MIPEP: variants seen among roughly 807,000 people sequenced by gnomAD.
MIPEP encodes the protein mitochondrial intermediate peptidase.
A neutral mutation model predicts 90.3 loss-of-function variants in MIPEP; 79 were observed. The observed-to-expected ratio is 0.87, with a 90% CI of 0.73 to 1.05. MIPEP has a LOEUF of 1.05. Among genes scored for constraint, MIPEP ranks in the 50% least tolerant of loss-of-function variants. MIPEP has a pLI of 0.00. For missense variants in MIPEP, 940 were observed against 905.6 expected, an observed-to-expected ratio of 1.04 and a Z score of -0.49; for synonymous variants, 334 against 315.8, an observed-to-expected ratio of 1.06 and a Z score of -0.61.
Position 23,867,308 on chromosome 13 carries a change from C to G in MIPEP, c.943+1984G>C, listed in dbSNP as rs572871072. ...AAACGTGGCAGGCATTTTTCTGCCT[C>G]AAGACCTTAGCACTTGATAGTGACT... On this transcript the variant is annotated intron_variant, in intron 7 of 18. Coordinates refer to ENST00000382172, the MANE Select transcript of MIPEP (RefSeq NM_005932.4). Among the ~76,000 whole-genome samples, 459 of 152,272 alleles carry G rather than the reference C, an allele frequency of 3.0e-3. 4 individuals are homozygous for G. Among genetic ancestry groups the G allele is most frequent in the African/African-American group, 0.011 (445 of 41,558 alleles).
At chr13:23,806,716 A>ACATCTATC (rs1953112358) in intron 15 of MIPEP, among the ~76,000 whole-genome samples, 2 of 147,154 alleles carry the variant, frequency 1.4e-5, no homozygotes, top group Non-Finnish European at 3.0e-5. Context: ...AAAAAAATCT[A>ACATCTATC]TATCTATCTA....
chr13:23,814,866 C>A (rs374045197), intron 14 of MIPEP, among the ~76,000 whole-genome samples: 28 of 152,182 alleles, frequency 1.8e-4, no homozygotes, highest in African/African-American at 6.8e-4. Context: ...CCTATGATTG[C>A]GCTTCACTGT....
intron 18 of MIPEP, among the ~76,000 whole-genome samples, chr13:23,751,452 T>C (rs1249530789): frequency 1.3e-5 from 2 of 152,256 alleles, no homozygotes; most frequent in Non-Finnish European, 2.9e-5. Context: ...TAGCTACTAC[T>C]ATTTCTTTCC....
intron 4 of MIPEP, among the ~76,000 whole-genome samples, chr13:23,876,975 T>A (rs1566026471): frequency 6.6e-6 from 1 of 152,216 alleles, no homozygotes. Context: ...TACCAAATAG[T>A]CTTACTGTTT....
intron 17 of MIPEP, among the ~76,000 whole-genome samples, chr13:23,757,814 T>C (rs990128306): frequency 6.6e-6 from 1 of 152,206 alleles, no homozygotes; most frequent in Non-Finnish European, 1.5e-5. Flanking sequence ...TTTGTAGACA[T>C]AAATCCTCCA....
At chr13:23,758,974 A>G (rs754119598) in intron 17 of MIPEP, among the ~76,000 whole-genome samples, 12 of 152,198 alleles carry the variant, frequency 7.9e-5, no homozygotes, top group Non-Finnish European at 1.8e-4. Context: ...TGTGAATACT[A>G]TGTGAAAACT....
chr13:23,854,506 T>A (rs951194674), intron 10 of MIPEP, among the ~76,000 whole-genome samples: 2 of 152,170 alleles, frequency 1.3e-5, no homozygotes, highest in African/African-American at 4.8e-5. Context: ...TGTATTTCAT[T>A]ATGTGAATGC....
Position 23,889,271 on chromosome 13 carries a change from A to C in MIPEP, c.50T>G (p.Leu17Arg). The change falls in exon 1 of 19, where the codon CTG (leucine) becomes CGG (arginine). Residue 17 changes from leucine (L) to arginine (R), a missense_variant. By Grantham distance (102) the Leu-to-Arg change is moderately radical. Transcript: ENST00000382172. ...TCCCCGGCCCGCCCGGCGGGGCGGC[A>C]GAGCTGCTGCTCTGGCTCCCAAGCC... The part of the protein sequence containing the change: ...LGGLGARAAA[L>R]PPRRAGRGSL... 7.2e-7 allele frequency: 1 copy of C among 1,382,066 alleles called. No homozygotes were observed. Among genetic ancestry groups the C allele is most frequent in the Middle Eastern group, 2.3e-4 (1 of 4,382 alleles). 85.6% of individuals were successfully genotyped at this position (1,382,066 alleles called of 1,614,324 possible).
intron 17 of MIPEP, chr13:23,756,933 G>A: frequency 3.3e-6 from 1 of 301,200 alleles, no homozygotes; most frequent in South Asian, 5.1e-5. Flanking sequence ...CAATCTTTCT[G>A]GCACCAGGGA....
chr13:23,856,928 G>T (rs957808691), intron 10 of MIPEP, among the ~76,000 whole-genome samples: 2 of 151,738 alleles, frequency 1.3e-5, no homozygotes, highest in African/African-American at 2.4e-5. Context: ...GCAAAAATTA[G>T]AATATTTATT....
intron 18 of MIPEP, among the ~76,000 whole-genome samples, chr13:23,754,382 C>A (rs1952470963): frequency 6.6e-6 from 1 of 152,170 alleles, no homozygotes; most frequent in Admixed American, 6.5e-5. Flanking sequence ...TGAGATCTGA[C>A]AGAACAGCAT....
intron 16 of MIPEP, among the ~76,000 whole-genome samples, chr13:23,767,285 T>C (rs1952601367): frequency 6.6e-6 from 1 of 152,184 alleles, no homozygotes. Flanking sequence ...AGCCACTACA[T>C]TTGTAGAAAT....
At chr13:23,776,073 GC>G (rs1952712405) in intron 16 of MIPEP, among the ~76,000 whole-genome samples, 1 of 151,916 alleles carries the variant, frequency 6.6e-6, no homozygotes, top group South Asian at 2.1e-4. Flanking sequence ...TTTTCTCCCT[GC>G]CTTCAATCTC....
Position 23,760,086 on chromosome 13 carries a change from AC to A in MIPEP, c.1970+9del. ...CCAAGATGGGGACATTTTAGAACTT[AC>A]CCCCTTACCTGTTGAAAGGATCCTG... On this transcript the variant is annotated intron_variant, in intron 17 of 18. Coordinates refer to ENST00000382172, the MANE Select transcript of MIPEP (RefSeq NM_005932.4). 1.9e-6 allele frequency: 3 copies of A among 1,613,852 alleles called. No individual in the cohort carries two copies. Among genetic ancestry groups the A allele is most frequent in the Non-Finnish European group, 1.7e-6 (2 of 1,179,936 alleles).
chr13:23,743,122 A>G (rs1952349105), intron 18 of MIPEP, among the ~76,000 whole-genome samples: 1 of 152,246 alleles, frequency 6.6e-6, no homozygotes, highest in Admixed American at 6.5e-5. Context: ...CAGATTTGGG[A>G]GTGAAAAGGA....
chr13:23,858,496 A>G (rs1870141425), intron 10 of MIPEP, among the ~76,000 whole-genome samples: 1 of 151,384 alleles, frequency 6.6e-6, no homozygotes, highest in African/African-American at 2.4e-5. Context: ...AAAAAAAGGA[A>G]AATAACGTAG....
chr13:23,830,538 A>C (rs181711190), intron 14 of MIPEP, among the ~76,000 whole-genome samples: 2 of 152,314 alleles, frequency 1.3e-5, no homozygotes. Context: ...ACTGTGTTAT[A>C]ACATTAAATA....
intron 9 of MIPEP, among the ~76,000 whole-genome samples, chr13:23,859,655 T>C (rs949621982): frequency 2.6e-5 from 4 of 152,304 alleles, no homozygotes; most frequent in African/African-American, 7.2e-5. Flanking sequence ...TCCTGTCCCC[T>C]GAACAGTACC....
intron 16 of MIPEP, among the ~76,000 whole-genome samples, chr13:23,785,643 AAAAG>A (rs761087119): frequency 1.4e-3 from 219 of 152,058 alleles, no homozygotes; most frequent in Non-Finnish European, 2.7e-3. Context: ...AAAAAAGAAA[AAAAG>A]AAAGAAGTCC....
Sources: allele counts gnomAD v4.1 joint callset (sites outside exome capture counted in the v4.1 genomes callset), GRCh38; gene constraint gnomAD v4.1.1; transcripts MANE v1.5; gene names NCBI Gene and HGNC (gene_info 2026-07-23, HGNC 2026-07-21).